The following ADA2 variants were observed in gnomAD, a reference collection of about 807,000 sequenced individuals.
The protein encoded by ADA2 is adenosine deaminase CECR1.
In ADA2, 29 loss-of-function variants were observed where a neutral mutation model predicts 44.2. That is an observed-to-expected ratio of 0.66 (90% confidence interval 0.49 to 0.89). The LOEUF is 0.89. Among genes scored for constraint, ADA2 ranks in the 40% least tolerant of loss-of-function variants. ADA2 has a pLI of 0.00. For missense variants in ADA2, 637 were observed against 644.8 expected (o/e 0.99, Z 0.13); for synonymous variants, 215 against 234.9 (o/e 0.92, Z 0.77).
chr22:17,215,389 C>T (rs1568992443), intron 1 of ADA2, among the ~76,000 whole-genome samples: 1 of 152,036 alleles, frequency 6.6e-6, no homozygotes, highest in Non-Finnish European at 1.5e-5. Flanking sequence ...AGGTGGATCA[C>T]GAGGTCAGGG....
Position 17,198,337 on chromosome 22 carries a change from T to C in ADA2, c.753+5226A>G, listed in dbSNP as rs571171785. On this transcript the variant is annotated intron_variant, in intron 4 of 9. Transcript: ENST00000399837. ...TCCCAGGTGGTGCTAGGGTGCGATA[T>C]ACAGCTGGGCTGAAGATCTGCCACT... 2.2e-4 allele frequency among the ~76,000 whole-genome samples: 34 copies of C among 152,226 alleles called. No individual in the cohort carries two copies. In the South Asian group the frequency reaches 7.1e-3, roughly 32 times the overall value.
intron 6 of ADA2, chr22:17,188,660 A>G (rs2062070162): frequency 2.6e-6 from 1 of 379,006 alleles, no homozygotes; most frequent in African/African-American, 2.1e-5. Flanking sequence ...CAGGCAGATC[A>G]CGAAGTCAGG....
intron 3 of ADA2, among the ~76,000 whole-genome samples, chr22:17,204,608 C>CA (rs376188550): frequency 0.024 from 3,155 of 132,474 alleles, 42 homozygotes; most frequent in African/African-American, 0.029. Context: ...AGACTCATCT[C>CA]AAAAAAAAAA....
intron 7 of ADA2, among the ~76,000 whole-genome samples, chr22:17,183,225 G>A (rs1258313089): frequency 2.7e-5 from 4 of 150,480 alleles, no homozygotes; most frequent in African/African-American, 7.3e-5. Context: ...CTGGGACTAC[G>A]GGCACACGCC....
chr22:17,220,563 G>C (rs2062515734), upstream of ADA2, among the ~76,000 whole-genome samples: 1 of 152,126 alleles, frequency 6.6e-6, no homozygotes, highest in African/African-American at 2.4e-5. Flanking sequence ...ATTCTTAGAA[G>C]TAACTATTGG....
At chr22:17,202,326 C>CA (rs1374423646) in intron 4 of ADA2, among the ~76,000 whole-genome samples, 1 of 152,096 alleles carries the variant, frequency 6.6e-6, no homozygotes, top group Non-Finnish European at 1.5e-5. Flanking sequence ...GACAGGGTTT[C>CA]ACCATGTTGG....
At chr22:17,199,587 C>T (rs764514432) in intron 4 of ADA2, 1 of 1,613,922 alleles carries the variant, frequency 6.2e-7, no homozygotes, top group African/African-American at 1.3e-5. Flanking sequence ...ATCTCCCCTC[C>T]GGAAAAAGGA....
chr22:17,218,074 A>G (rs982836820), intron 1 of ADA2, among the ~76,000 whole-genome samples: 6 of 152,226 alleles, frequency 3.9e-5, no homozygotes, highest in African/African-American at 1.2e-4. Flanking sequence ...AGTGGCATAA[A>G]TACAATCTTA....
intron 4 of ADA2, among the ~76,000 whole-genome samples, chr22:17,192,310 TGCATAATGGTTGAAGA>T (rs1197933943): frequency 2.0e-5 from 3 of 152,092 alleles, no homozygotes; most frequent in Non-Finnish European, 4.4e-5. Context: ...ATTAAGCATC[TGCATAATGGTTGAAGA>T]GCAGGTCACG....
chr22:17,212,186 G>A (rs1389008044), intron 1 of ADA2, among the ~76,000 whole-genome samples: 4 of 151,664 alleles, frequency 2.6e-5, no homozygotes, highest in African/African-American at 7.3e-5. Flanking sequence ...CACCACGCCC[G>A]GCTAATTTTT....
In ADA2 at chr22:17,183,240, C is replaced by T. The variant is rs553762693; in HGVS notation, c.1082-479G>A. 2.1e-3 allele frequency among the ~76,000 whole-genome samples: 324 copies of T among 151,968 alleles called. 1 individual carries two copies. The highest frequency in any genetic ancestry group is 7.2e-3 in the African/African-American group (298 of 41,454). On this transcript the variant is annotated intron_variant, in intron 7 of 9. Transcript: ENST00000399837. Reference sequence around the variant, plus strand: ...CTGGGACTACGGGCACACGCCACCACGCCCAGATAATTTTTTGTATTTTTA... The same window carrying T: ...CTGGGACTACGGGCACACGCCACCATGCCCAGATAATTTTTTGTATTTTTA...
At chr22:17,199,511 A>G (rs367818922) in intron 4 of ADA2, 3 of 1,543,052 alleles carry the variant, frequency 1.9e-6, no homozygotes, top group Non-Finnish European at 2.6e-6. Flanking sequence ...ACACCAAGAC[A>G]GTTGTCAGGA....
intron 1 of ADA2, among the ~76,000 whole-genome samples, chr22:17,211,496 G>T (rs1452487219): frequency 6.6e-6 from 1 of 152,154 alleles, no homozygotes; most frequent in Non-Finnish European, 1.5e-5. Flanking sequence ...AGCTGGGCGT[G>T]GTTGTGCACA....
At chr22:17,212,781 C>CT (rs540283421) in intron 1 of ADA2, among the ~76,000 whole-genome samples, 6,401 of 142,080 alleles carry the variant, frequency 0.045, 188 homozygotes, top group East Asian at 0.082. Flanking sequence ...TTCTTTCTTT[C>CT]TTTTTTTTTT....
intron 7 of ADA2, among the ~76,000 whole-genome samples, chr22:17,185,882 C>A (rs1346722768): frequency 6.6e-6 from 1 of 152,202 alleles, no homozygotes; most frequent in Non-Finnish European, 1.5e-5. Flanking sequence ...GAGAGCTGCC[C>A]TCCTGGTCCC....
chr22:17,194,265 G>A (rs532326979), intron 4 of ADA2, among the ~76,000 whole-genome samples: 66 of 152,194 alleles, frequency 4.3e-4, no homozygotes, highest in Non-Finnish European at 8.1e-4. Context: ...TCCTCCTCCC[G>A]GGAGTCGGCT....
rs760228190 is a variant in ADA2 at position 17,188,443 on chromosome 22, C to T, written c.977G>A (p.Gly326Glu). The T allele has an allele frequency of 4.3e-6, 7 of 1,609,886 alleles. No individual in the cohort carries two copies. Among genetic ancestry groups the T allele is most frequent in the South Asian group, 3.3e-5 (3 of 91,002 alleles). The change falls in exon 7 of 10, where the codon GGG (glycine) becomes GAG (glutamate). Residue 326 changes from glycine (G) to glutamate (E), a missense_variant. Gly to Glu is a moderately conservative substitution (Grantham distance 98). Coordinates refer to ENST00000399837, the MANE Select transcript of ADA2 (RefSeq NM_001282225.2). ...CAAGGAGTGGCCAGTGTCCTCATGC[C>T]CCACCTGCAGGACAGAGAGGGACAG... Reference protein sequence around the residue: ...PTVVAGFDLVGHEDTGHSLHD... With the variant: ...PTVVAGFDLVEHEDTGHSLHD...
At chr22:17,212,547 T>C (rs2062429536) in intron 1 of ADA2, among the ~76,000 whole-genome samples, 1 of 152,032 alleles carries the variant, frequency 6.6e-6, no homozygotes, top group Non-Finnish European at 1.5e-5. Context: ...GTGCTGGGAT[T>C]ACAGGCGTGA....
At chr22:17,209,247 G>T in intron 2 of ADA2, 109 bp downstream of exon 2, 1 of 934,310 alleles carries the variant, frequency 1.1e-6, no homozygotes. Flanking sequence ...AGCTGAGTGA[G>T]GCTTTCTCTG....
Sources: allele counts gnomAD v4.1 joint callset (sites outside exome capture counted in the v4.1 genomes callset), GRCh38; gene constraint gnomAD v4.1.1; transcripts MANE v1.5; gene names NCBI Gene and HGNC (gene_info 2026-07-23, HGNC 2026-07-21).